Variants in THSD7B observed in about 807,000 individuals in gnomAD.
THSD7B encodes the protein thrombospondin type-1 domain-containing protein 7B.
Under a neutral mutation model 213.6 loss-of-function variants are expected in THSD7B, and 138 were observed. That is an observed-to-expected ratio of 0.65 (90% CI 0.56 to 0.74). The LOEUF (loss-of-function observed/expected upper bound fraction) is 0.74, where lower values mean the gene tolerates loss of function less well. Ranked by LOEUF, THSD7B falls within the 30% of genes least tolerant of loss-of-function variation. The probability of loss-of-function intolerance (pLI) is 0.00; values close to 1 mark genes in which losing one functional copy is unlikely to be tolerated. For missense variants in THSD7B, 1,931 were observed against 1,991.5 expected (o/e 0.97, Z 0.58); for synonymous variants, 742 against 687.0 (o/e 1.08, Z -1.25).
intron 17 of THSD7B, among the ~76,000 whole-genome samples, chr2:137,612,425 G>A (rs1682306290): frequency 6.6e-6 from 1 of 152,146 alleles, no homozygotes; most frequent in Admixed American, 6.6e-5. Flanking sequence ...GCAGGTTGGA[G>A]GATGACAAGT....
chr2:136,947,266 G>A (rs961719799), intron 2 of THSD7B, among the ~76,000 whole-genome samples: 6 of 152,222 alleles, frequency 3.9e-5, no homozygotes, highest in Non-Finnish European at 8.8e-5. Context: ...AGGAAGAGAT[G>A]AGAGATGGAA....
rs535725818 is a variant in THSD7B, at chr2:136,858,576, C to G, written c.-35-23568C>G. On this transcript the variant is annotated intron_variant, in intron 1 of 27. Transcript: ENST00000409968. ...TACTTTACTTGACAGTAGCTTCTGCCAATACCATATTTTATTTATATGATC... is the reference window on the plus strand; with the variant it reads ...TACTTTACTTGACAGTAGCTTCTGCGAATACCATATTTTATTTATATGATC... Among the ~76,000 whole-genome samples the G allele has an allele frequency of 2.9e-3, 437 of 152,304 alleles. 3 individuals are homozygous for G. Among genetic ancestry groups the G allele is most frequent in the African/African-American group, 8.8e-3 (367 of 41,560 alleles).
chr2:137,455,293 C>T (rs1558802576), intron 15 of THSD7B, among the ~76,000 whole-genome samples: 1 of 152,126 alleles, frequency 6.6e-6, no homozygotes, highest in Non-Finnish European at 1.5e-5. Flanking sequence ...GTCTCTTATG[C>T]TGTGATTTGT....
chr2:137,402,847 ACATAG>A (rs1449923519), intron 12 of THSD7B, among the ~76,000 whole-genome samples: 1 of 151,342 alleles, frequency 6.6e-6, no homozygotes, highest in Admixed American at 6.6e-5. Flanking sequence ...TTTGAATTTC[ACATAG>A]CAATGCTTTT....
chr2:137,235,125 T>G (rs1171780647), intron 9 of THSD7B, among the ~76,000 whole-genome samples: 1 of 152,178 alleles, frequency 6.6e-6, no homozygotes, highest in Non-Finnish European at 1.5e-5. Flanking sequence ...TTCTGAAAGT[T>G]TTATAAAGGT....
At chr2:136,991,050 T>A in intron 2 of THSD7B, 1 of 908,898 alleles carries the variant, frequency 1.1e-6, no homozygotes. Context: ...TGGTTATGTG[T>A]TAAATAAAAA....
intron 15 of THSD7B, among the ~76,000 whole-genome samples, chr2:137,497,212 G>GACAC (rs58249868): frequency 1.4e-3 from 210 of 150,330 alleles, no homozygotes; most frequent in African/African-American, 4.9e-3. Flanking sequence ...CACACACACA[G>GACAC]ACACACACAC....
At chr2:137,425,866 G>C (rs930239254) in intron 14 of THSD7B, among the ~76,000 whole-genome samples, 3 of 152,030 alleles carry the variant, frequency 2.0e-5, no homozygotes, top group Admixed American at 6.6e-5. Flanking sequence ...TAAGTTAAAG[G>C]CATCAAAAAC....
intron 12 of THSD7B, among the ~76,000 whole-genome samples, chr2:137,305,472 T>C (rs1319235016): frequency 6.6e-6 from 1 of 152,104 alleles, no homozygotes; most frequent in East Asian, 1.9e-4. Context: ...CTCATGTCCA[T>C]TCATGCTATC....
chr2:136,968,080 T>A (rs1685349486), intron 2 of THSD7B, among the ~76,000 whole-genome samples: 2 of 152,302 alleles, frequency 1.3e-5, no homozygotes, highest in African/African-American at 4.8e-5. Context: ...CTGAACATTT[T>A]ATGACTGTAT....
At chr2:136,874,682 A>T (rs1016949489) in intron 1 of THSD7B, among the ~76,000 whole-genome samples, 6 of 152,202 alleles carry the variant, frequency 3.9e-5, no homozygotes, top group Admixed American at 3.9e-4. Flanking sequence ...TTATAGTCTC[A>T]ATGGCCTTTC....
At chr2:137,403,621 G>A (rs926211762) in intron 12 of THSD7B, among the ~76,000 whole-genome samples, 1 of 152,220 alleles carries the variant, frequency 6.6e-6, no homozygotes, top group Non-Finnish European at 1.5e-5. Flanking sequence ...AGACAGGGTA[G>A]ACCAGAATTA....
rs1274333929 is a variant in THSD7B at position 137,056,788 on chromosome 2, C to T, written c.508C>T (p.Gln170Ter). The change falls in exon 3 of 28, where the codon CAG becomes TAG. Residue 170 changes from glutamine to a stop codon, truncating the protein, a stop_gained. Coordinates refer to ENST00000409968, the MANE Select transcript of THSD7B (RefSeq NM_001316349.2). LOFTEE classifies it high-confidence loss of function. ...CTTTGCCCTTCAGCCTCCTACAGAA[C>T]AGGCTTGCCTCATTCCTTGTCCCCG... is the stretch of plus-strand genomic sequence containing the variant. ...EHFALQPPTEQACLIPCPRDC... is the reference protein window; with the variant it reads ...EHFALQPPTE 1 of 1,613,974 alleles carries T rather than the reference C, an allele frequency of 6.2e-7. No homozygotes were observed. The highest frequency in any genetic ancestry group is 8.5e-7 in the Non-Finnish European group (1 of 1,179,886).
At position 137,677,288 on chromosome 2, in the gene THSD7B, G is replaced by A. The variant is rs1683725023; in HGVS notation, c.*683G>A. The A allele has an allele frequency of 6.6e-6, 1 of 152,630 alleles. No individual in the cohort carries two copies. Among genetic ancestry groups the A allele is most frequent in the African/African-American group, 2.4e-5 (1 of 41,454 alleles). 9.5% of individuals were successfully genotyped at this position (152,630 alleles called of 1,614,324 possible). On this transcript the variant is annotated 3_prime_UTR_variant, in exon 28 of 28. Transcript: ENST00000409968. The stretch of plus-strand genomic sequence containing the variant: ...AAGCTAGGTCATTTCTGAAGGGAAT[G>A]TGTACTGAATGTTAGAGTGTACAAA...
chr2:137,264,248 T>C (rs1470650131), intron 10 of THSD7B, among the ~76,000 whole-genome samples: 1 of 130,576 alleles, frequency 7.7e-6, no homozygotes, highest in East Asian at 2.3e-4. Flanking sequence ...AGAAACAGCC[T>C]TTTTTTTTTT....
chr2:137,479,601 C>G (rs1688260188), intron 15 of THSD7B: 1 of 208,776 alleles, frequency 4.8e-6, no homozygotes, highest in Non-Finnish European at 1.0e-5. Context: ...GTAGCCTTTC[C>G]TTAGTATGCT....
intron 2 of THSD7B, among the ~76,000 whole-genome samples, chr2:136,888,226 C>T (rs912389477): frequency 6.6e-6 from 1 of 151,948 alleles, no homozygotes; most frequent in Admixed American, 6.6e-5. Context: ...TTCAGTAGCT[C>T]ATGCTCAATG....
chr2:137,344,541 C>T (rs1438678411), intron 12 of THSD7B, among the ~76,000 whole-genome samples: 1 of 151,690 alleles, frequency 6.6e-6, no homozygotes, highest in Non-Finnish European at 1.5e-5. Flanking sequence ...TATGTGACTA[C>T]ATTCTTACAA....
At chr2:137,206,414 A>G (rs1348872231) in intron 7 of THSD7B, among the ~76,000 whole-genome samples, 1 of 152,040 alleles carries the variant, frequency 6.6e-6, no homozygotes, top group Non-Finnish European at 1.5e-5. Flanking sequence ...CAAATACACA[A>G]TCACATGTAG....
Sources: gnomAD v4.1 joint callset for allele counts (sites outside exome capture counted in the v4.1 genomes callset) on GRCh38, gnomAD v4.1.1 for gene constraint, MANE v1.5 for transcripts, NCBI Gene and HGNC (gene_info 2026-07-23, HGNC 2026-07-21) for gene names.